SLC9A4: variants seen among roughly 807,000 people sequenced by gnomAD.
SLC9A4 encodes sodium/hydrogen exchanger 4.
A neutral mutation model predicts 67.4 loss-of-function variants in SLC9A4; 63 were observed. The observed-to-expected ratio is 0.93, with a 90% CI of 0.76 to 1.15. The LOEUF (loss-of-function observed/expected upper bound fraction) is 1.15, where lower values mean the gene tolerates loss of function less well. SLC9A4 is among the 50% of genes most tolerant of loss of function. SLC9A4 has a pLI of 0.00. For synonymous variants in SLC9A4, 393 were observed against 367.2 expected (o/e 1.07, Z -0.80); for missense variants, 1,089 against 987.7 (o/e 1.10, Z -1.38).
At chr2:102,490,767 C>T (rs970206761) in intron 2 of SLC9A4, among the ~76,000 whole-genome samples, 3 of 152,194 alleles carry the variant, frequency 2.0e-5, no homozygotes, top group Middle Eastern at 3.2e-3. Context: ...CTTTTACCAT[C>T]AGGATGAACT....
chr2:102,502,913 GC>G (rs1444520431), intron 2 of SLC9A4, among the ~76,000 whole-genome samples: 1 of 152,226 alleles, frequency 6.6e-6, no homozygotes, highest in Non-Finnish European at 1.5e-5. Flanking sequence ...CCAGGCCAAA[GC>G]CGCAGGGTTG....
chr2:102,478,916 G>T lies in SLC9A4; in HGVS notation c.334G>T (p.Gly112Cys), dbSNP rs755519321. ...CATCCTGGTGGGGGCGCTGGTGGGC[G>T]GCATCATCTTCGGCACCGACCACAA... ...LLILVGALVG[G>C]IIFGTDHKSP... The change falls in exon 2 of 12, where the codon GGC becomes TGC. Residue 112 changes from glycine to cysteine, a missense_variant. Coordinates refer to ENST00000295269, the MANE Select transcript of SLC9A4 (RefSeq NM_001011552.4). The T allele has an allele frequency of 6.8e-6, 11 of 1,613,952 alleles. No homozygotes were observed. The highest frequency in any genetic ancestry group is 9.3e-6 in the Non-Finnish European group (11 of 1,179,992).
At chr2:102,509,593 A>G (rs1685117896) in intron 6 of SLC9A4, among the ~76,000 whole-genome samples, 1 of 152,120 alleles carries the variant, frequency 6.6e-6, no homozygotes, top group Non-Finnish European at 1.5e-5. Flanking sequence ...AATACCCCAA[A>G]AGTCTCAATA....
chr2:102,524,954 TC>T, intron 9 of SLC9A4, 69 bp from the exon 10 acceptor site: 1 of 1,588,758 alleles, frequency 6.3e-7, no homozygotes. Flanking sequence ...TCCTGATGTT[TC>T]CATGGCTTCC....
At chr2:102,518,793 A>T (rs1294465867) in intron 8 of SLC9A4, among the ~76,000 whole-genome samples, 1 of 152,210 alleles carries the variant, frequency 6.6e-6, no homozygotes, top group Non-Finnish European at 1.5e-5. Context: ...TCTTAAGAGC[A>T]TATGCAAGCA....
intron 1 of SLC9A4, among the ~76,000 whole-genome samples, chr2:102,474,987 A>C (rs1160978625): frequency 6.6e-6 from 1 of 152,182 alleles, no homozygotes; most frequent in Non-Finnish European, 1.5e-5. Flanking sequence ...TGCTCTGGCT[A>C]TTCACTTAGC....
At chr2:102,483,516 A>G (rs953721430) in intron 2 of SLC9A4, among the ~76,000 whole-genome samples, 5 of 152,170 alleles carry the variant, frequency 3.3e-5, no homozygotes, top group East Asian at 1.9e-4. Flanking sequence ...TCCACGAAAG[A>G]GCTGCCTTCC....
At chr2:102,527,257 C>T (rs1674684639) in intron 11 of SLC9A4, among the ~76,000 whole-genome samples, 1 of 103,020 alleles carries the variant, frequency 9.7e-6, no homozygotes, top group African/African-American at 3.6e-5. Flanking sequence ...CCCATACTGA[C>T]ACCTCCCTCC....
At chr2:102,514,522 T>G (rs1269320930) in intron 8 of SLC9A4, among the ~76,000 whole-genome samples, 1 of 152,218 alleles carries the variant, frequency 6.6e-6, no homozygotes, top group South Asian at 2.1e-4. Flanking sequence ...CAAGCGAATG[T>G]GTAGAATTGC....
intron 4 of SLC9A4, among the ~76,000 whole-genome samples, chr2:102,506,340 G>A (rs969010416): frequency 6.6e-6 from 1 of 152,152 alleles, no homozygotes; most frequent in African/African-American, 2.4e-5. Flanking sequence ...ATATTTTCAA[G>A]CCAATTACTC....
At chr2:102,486,246 T>C (rs1684586397) in intron 2 of SLC9A4, among the ~76,000 whole-genome samples, 1 of 152,166 alleles carries the variant, frequency 6.6e-6, no homozygotes, top group Non-Finnish European at 1.5e-5. Context: ...CTCAGTTTCC[T>C]TTCTGTAATA....
intron 7 of SLC9A4, among the ~76,000 whole-genome samples, chr2:102,513,656 G>A (rs953764906): frequency 1.3e-5 from 2 of 152,148 alleles, no homozygotes; most frequent in Non-Finnish European, 2.9e-5. Flanking sequence ...TAAACTTATT[G>A]GGTTCTGGTT....
chr2:102,508,812 C>T (rs763272562), intron 5 of SLC9A4, 35 bp from the exon 6 acceptor site: 41 of 1,548,444 alleles, frequency 2.6e-5, no homozygotes, highest in African/African-American at 2.8e-5. Context: ...GTCTTCATTA[C>T]AACAAAACCC....
intron 1 of SLC9A4, among the ~76,000 whole-genome samples, chr2:102,476,582 G>A (rs1472308292): frequency 6.6e-6 from 1 of 152,174 alleles, no homozygotes; most frequent in Non-Finnish European, 1.5e-5. Context: ...GAGCCACAGG[G>A]CCTGAGAAAA....
chr2:102,527,998 T>C (rs1297948354), intron 11 of SLC9A4, among the ~76,000 whole-genome samples: 4 of 150,744 alleles, frequency 2.7e-5, no homozygotes, highest in African/African-American at 9.9e-5. Context: ...TTATCTCCTA[T>C]ATGTTGCCAA....
intron 2 of SLC9A4, among the ~76,000 whole-genome samples, chr2:102,503,172 G>A (rs978932076): frequency 1.1e-4 from 17 of 152,208 alleles, no homozygotes; most frequent in Non-Finnish European, 2.2e-4. Flanking sequence ...GGAGTCTAGA[G>A]GCAATAAATT....
In SLC9A4 at chr2:102,478,839, G is replaced by A. The variant is rs749902922; in HGVS notation, c.257G>A (p.Gly86Asp). The change falls in exon 2 of 12, where the codon GGC becomes GAC. Residue 86 changes from glycine (G) to aspartate (D), a missense_variant and splice_region_variant. Transcript: ENST00000295269. Reference sequence around the variant, plus strand: ...CTAACTGCTCTTCGCTGTTCTGCAGGCTTCCACCTCTACCACAGGCTGCCA... The same window carrying A: ...CTAACTGCTCTTCGCTGTTCTGCAGACTTCCACCTCTACCACAGGCTGCCA... ...WILLASLAKI[G>D]FHLYHRLPGL... 6.2e-7 allele frequency: 1 copy of A among 1,613,366 alleles called. No individual in the cohort carries two copies. The highest frequency in any genetic ancestry group is 1.1e-5 in the South Asian group (1 of 91,026).
At chr2:102,488,099 C>A (rs1303944494) in intron 2 of SLC9A4, among the ~76,000 whole-genome samples, 1 of 152,112 alleles carries the variant, frequency 6.6e-6, no homozygotes, top group African/African-American at 2.4e-5. Context: ...AATAGAAATT[C>A]CTGACTTGAG....
intron 1 of SLC9A4, 42 bp from the exon 2 acceptor site, chr2:102,478,797 G>A (rs773294402): frequency 1.0e-5 from 16 of 1,584,140 alleles, no homozygotes; most frequent in Non-Finnish European, 1.4e-5. Flanking sequence ...CACCCAGACC[G>A]TTTCGTTTGC....
Sources: gnomAD v4.1 joint callset for allele counts (sites outside exome capture counted in the v4.1 genomes callset) on GRCh38, gnomAD v4.1.1 for gene constraint, MANE v1.5 for transcripts, NCBI Gene and HGNC (gene_info 2026-07-23, HGNC 2026-07-21) for gene names.